Variants in USP9X observed in about 807,000 individuals in gnomAD.
The protein encoded by USP9X is ubiquitin specific peptidase 9 X-linked, also known as ubiquitin carboxyl-terminal hydrolase 9X.
USP9X carries 7 observed loss-of-function variants against 190.3 expected under a neutral mutation model. The observed-to-expected ratio is 0.04, with a 90% confidence interval of 0.02 to 0.07. The LOEUF is 0.07. Among genes scored for constraint, USP9X ranks in the 10% least tolerant of loss-of-function variants. USP9X has a pLI of 1.00. For missense variants in USP9X, 1,010 were observed against 1,916.9 expected, an observed-to-expected ratio of 0.53 and a Z score of 8.83; for synonymous variants, 645 against 659.5, an observed-to-expected ratio of 0.98 and a Z score of 0.34.
intron 1 of USP9X, among the ~76,000 whole-genome samples, chrX:41,118,007 G>A (rs989459155): frequency 2.7e-5 from 3 of 111,086 alleles, no homozygotes; most frequent in African/African-American, 6.6e-5. Flanking sequence ...ACAGGTGTGC[G>A]CCACCACGCC....
intron 21 of USP9X, among the ~76,000 whole-genome samples, chrX:41,182,763 G>A (rs1236050404): frequency 9.1e-6 from 1 of 110,455 alleles, no homozygotes; most frequent in African/African-American, 3.3e-5. Flanking sequence ...TCAATGACAC[G>A]AGAAGATATT....
chrX:41,094,231 C>T (rs764173073), intron 1 of USP9X, among the ~76,000 whole-genome samples: 156 of 105,895 alleles, frequency 1.5e-3, no homozygotes, highest in African/African-American at 5.3e-3. Context: ...GGCTACAGTA[C>T]AATGGCGTGA....
intron 1 of USP9X, among the ~76,000 whole-genome samples, chrX:41,115,163 G>A (rs1190789087): frequency 9.5e-6 from 1 of 104,738 alleles, no homozygotes; most frequent in African/African-American, 3.5e-5. Flanking sequence ...AGAGGTTGCA[G>A]TGAGCCGAGA....
At chrX:41,105,639 G>T (rs2062063856) in intron 1 of USP9X, among the ~76,000 whole-genome samples, 1 of 112,124 alleles carries the variant, frequency 8.9e-6, no homozygotes, top group African/African-American at 3.2e-5. Context: ...GTCCCTTTCA[G>T]TTCTTTTGAG....
intron 31 of USP9X, 150 bp downstream of exon 31, chrX:41,201,430 T>TGAGTAGCTGAG: frequency 1.8e-6 from 1 of 547,730 alleles, no homozygotes; most frequent in Non-Finnish European, 2.8e-6. Context: ...TGGTCTCAGC[T>TGAGTAGCTGAG]ACTCAGGAAA....
At chrX:41,227,584 G>T in intron 41 of USP9X, among the ~76,000 whole-genome samples, 1 of 111,850 alleles carries the variant, frequency 8.9e-6, no homozygotes, top group East Asian at 2.8e-4. Context: ...CAGTGTCCAG[G>T]TTATGTTTTC....
intron 38 of USP9X, 138 bp from the exon 39 acceptor site, chrX:41,223,079 A>G: frequency 1.6e-6 from 1 of 619,849 alleles, no homozygotes; most frequent in South Asian, 3.2e-5. Context: ...ACAAATCAAA[A>G]TTTTTCTGAT....
intron 6 of USP9X, among the ~76,000 whole-genome samples, chrX:41,138,704 G>A (rs1184090546): frequency 8.9e-6 from 1 of 112,517 alleles, no homozygotes; most frequent in East Asian, 2.8e-4. Flanking sequence ...CAAGATGTTT[G>A]AAGATGTTTA....
intron 26 of USP9X, among the ~76,000 whole-genome samples, chrX:41,193,967 C>G (rs2062960152): frequency 8.9e-6 from 1 of 111,962 alleles, no homozygotes; most frequent in Non-Finnish European, 1.9e-5. Flanking sequence ...TTTATTGCCC[C>G]TCATATTTGG....
In USP9X at chrX:41,140,778, T is replaced by TAAA. The variant is rs1329195418; in HGVS notation, c.770+8_770+9insAAA. On this transcript the variant is annotated splice_region_variant and intron_variant, in intron 7 of 44. Transcript: ENST00000378308. ...TAATTGCAGCCCTTATTAAGTAAGT[T>TAAA]ACATTTAAAAATCAATGGTTAGTGC... 2.5e-6 allele frequency: 3 copies of TAAA among 1,177,055 alleles called. No homozygotes were observed. Among genetic ancestry groups the TAAA allele is most frequent in the African/African-American group, 3.6e-5 (2 of 55,808 alleles).
chrX:41,219,435 G>A (rs1402456503), intron 38 of USP9X, among the ~76,000 whole-genome samples: 2 of 108,870 alleles, frequency 1.8e-5, no homozygotes, highest in Non-Finnish European at 3.8e-5. Flanking sequence ...GTCAGAATCT[G>A]TGTTTTGATT....
At chrX:41,204,772 T>C (rs1472996126) in intron 31 of USP9X, among the ~76,000 whole-genome samples, 1 of 112,271 alleles carries the variant, frequency 8.9e-6, no homozygotes, top group Non-Finnish European at 1.9e-5. Context: ...CAATTGGCTA[T>C]ACCATCTAGG....
intron 14 of USP9X, among the ~76,000 whole-genome samples, chrX:41,160,316 A>G (rs920731441): frequency 6.4e-5 from 7 of 108,955 alleles, no homozygotes; most frequent in African/African-American, 2.3e-4. Context: ...CAATTTATAT[A>G]TATACATATA....
At chrX:41,228,314 A>C (rs931118936) in intron 41 of USP9X, among the ~76,000 whole-genome samples, 8 of 112,291 alleles carry the variant, frequency 7.1e-5, no homozygotes, top group Non-Finnish European at 1.1e-4. Flanking sequence ...GAAACAAGGC[A>C]TGTTTGTGCC....
rs1569178407 is a variant in USP9X at position 41,170,127 on chromosome X, T to C, written c.2769T>C (p.Ile923=). ...GSVRRCILNR[I]KANVAHTKIE... ...TACGACGATGTATTCTCAATCGTAT[T>C]AAAGCCAACGTAGCCCATACAAAAA... The change falls in exon 19 of 45, where the codon ATT becomes ATC. Residue 923 remains isoleucine (I), a synonymous_variant. Coordinates refer to ENST00000378308, the MANE Select transcript of USP9X (RefSeq NM_001039591.3). 1 of 1,211,947 alleles carries C rather than the reference T, an allele frequency of 8.3e-7. No individual in the cohort carries two copies. The highest frequency in any genetic ancestry group is 3.0e-5 in the East Asian group (1 of 33,852).
rs2062718312 is a variant in USP9X at position 41,170,741 on chromosome X, TAC to T, written c.3027+124_3027+125del. On this transcript the variant is annotated intron_variant, in intron 20 of 44. Coordinates refer to ENST00000378308, the MANE Select transcript of USP9X (RefSeq NM_001039591.3). ...CTTACAGTTTAATGAGACAAAAAAATACAGTTAACCACCAACTTCAGAATGGA... is the reference window on the plus strand; with the variant it reads ...CTTACAGTTTAATGAGACAAAAAAATAGTTAACCACCAACTTCAGAATGGA... The T allele has an allele frequency of 8.6e-6, 6 of 696,054 alleles. No individual in the cohort carries two copies. In the Admixed American group the frequency reaches 2.6e-4, roughly 31 times the overall value. The allele number at this position is 696,054 out of a possible 1,213,427, so 57.4% of individuals were successfully genotyped here. A position where few individuals can be genotyped will look rare whatever the true frequency, so the allele number is the denominator to read the frequency against.
chrX:41,187,974 T>G lies in USP9X; in HGVS notation c.3685-18T>G, dbSNP rs183105924. The G allele has an allele frequency of 2.0e-5, 24 of 1,197,086 alleles. No homozygotes were observed. The East Asian group carries it at 5.9e-4, about 30-fold the overall frequency. On this transcript the variant is annotated intron_variant, in intron 24 of 44. Coordinates refer to ENST00000378308, the MANE Select transcript of USP9X (RefSeq NM_001039591.3). ...ACTCTCATTCTATCAACAGTTCTAT[T>G]TACTCGTTATCTTGCAGGCTTCAAG...
intron 14 of USP9X, among the ~76,000 whole-genome samples, chrX:41,156,442 G>C (rs1814289339): frequency 8.9e-6 from 1 of 111,924 alleles, no homozygotes; most frequent in Non-Finnish European, 1.9e-5. Context: ...GTTCCAGGCA[G>C]TCATGTCCAA....
chrX:41,232,237 G>GTTTTTGTT (rs2063367094), intron 44 of USP9X, 150 bp from the exon 45 acceptor site: 2 of 591,077 alleles, frequency 3.4e-6, no homozygotes, highest in African/African-American at 2.3e-5. Flanking sequence ...TTTTGTTTTT[G>GTTTTTGTT]TTTTTGTTTT....
Sources: gnomAD v4.1 joint callset for allele counts (sites outside exome capture counted in the v4.1 genomes callset) on GRCh38, gnomAD v4.1.1 for gene constraint, MANE v1.5 for transcripts, NCBI Gene and HGNC (gene_info 2026-07-23, HGNC 2026-07-21) for gene names.